Variants in SPAG16 observed in about 807,000 individuals in gnomAD.
SPAG16 encodes the protein sperm associated antigen 16, also known as sperm-associated antigen 16 protein.
Under a neutral mutation model 80.4 loss-of-function variants are expected in SPAG16, and 86 were observed. The ratio of observed to expected loss-of-function variants is 1.07; its 90% CI spans 0.90 to 1.28. The LOEUF (loss-of-function observed/expected upper bound fraction) is 1.28, where lower values mean the gene tolerates loss of function less well. SPAG16 is among the 50% of genes most tolerant of loss of function. The pLI is 0.00. For missense variants in SPAG16, 870 were observed against 765.3 expected, an observed-to-expected ratio of 1.14 and a Z score of -1.61; for synonymous variants, 294 against 265.9, an observed-to-expected ratio of 1.11 and a Z score of -1.03.
intron 9 of SPAG16, among the ~76,000 whole-genome samples, chr2:213,408,455 C>A (rs1196067502): frequency 1.3e-5 from 2 of 151,878 alleles, no homozygotes; most frequent in Non-Finnish European, 2.9e-5. Context: ...TATCCTAAGT[C>A]AAAAAAAGCA....
At chr2:213,448,399 A>T (rs920382998) in intron 9 of SPAG16, among the ~76,000 whole-genome samples, 1 of 152,246 alleles carries the variant, frequency 6.6e-6, no homozygotes, top group Non-Finnish European at 1.5e-5. Flanking sequence ...CTGATGCATT[A>T]GATCAGGTGG....
chr2:214,154,498 A>ACCC (rs67537759), intron 15 of SPAG16, among the ~76,000 whole-genome samples: 1 of 119,118 alleles, frequency 8.4e-6, no homozygotes, highest in African/African-American at 3.2e-5. Flanking sequence ...AAAGTATCAG[A>ACCC]CCCCCCCCCC....
intron 10 of SPAG16, among the ~76,000 whole-genome samples, chr2:213,782,631 T>C (rs2070068784): frequency 6.6e-6 from 1 of 152,186 alleles, no homozygotes; most frequent in African/African-American, 2.4e-5. Context: ...TTTTGAAAGC[T>C]TCACAACAAC....
intron 15 of SPAG16, among the ~76,000 whole-genome samples, chr2:214,242,270 A>G (rs1236537740): frequency 6.6e-6 from 1 of 152,192 alleles, no homozygotes; most frequent in African/African-American, 2.4e-5. Flanking sequence ...GCACCTACTC[A>G]TTCCCATAAT....
chr2:213,622,978 A>G (rs2061838819), intron 10 of SPAG16, among the ~76,000 whole-genome samples: 1 of 152,184 alleles, frequency 6.6e-6, no homozygotes, highest in Admixed American at 6.5e-5. Flanking sequence ...AGAGTAACGA[A>G]GCCTTCCATT....
At chr2:213,610,961 A>G (rs1045107880) in intron 10 of SPAG16, among the ~76,000 whole-genome samples, 4 of 152,198 alleles carry the variant, frequency 2.6e-5, no homozygotes, top group African/African-American at 4.8e-5. Context: ...AACATTATCA[A>G]TCGGTTTCCT....
chr2:213,439,050 G>A (rs1015195305), intron 9 of SPAG16, among the ~76,000 whole-genome samples: 31 of 152,126 alleles, frequency 2.0e-4, no homozygotes, highest in African/African-American at 7.5e-4. Context: ...ATGAAGACTC[G>A]GAGACTCAGA....
chr2:213,425,553 G>A (rs1283306514), intron 9 of SPAG16, among the ~76,000 whole-genome samples: 1 of 151,434 alleles, frequency 6.6e-6, no homozygotes, highest in African/African-American at 2.4e-5. Context: ...TCAAGAGGCT[G>A]AGGCAGGGGA....
intron 10 of SPAG16, among the ~76,000 whole-genome samples, chr2:213,738,186 A>AAG: frequency 6.6e-6 from 1 of 151,954 alleles, no homozygotes; most frequent in Non-Finnish European, 1.5e-5. Flanking sequence ...CATTTTGTAG[A>AAG]GCCAGTATAG....
At chr2:213,342,341 TAC>T (rs1473514043) in intron 6 of SPAG16, among the ~76,000 whole-genome samples, 1 of 6,434 alleles carries the variant, frequency 1.6e-4, no homozygotes, top group Admixed American at 1.9e-3. Flanking sequence ...ATATATATAT[TAC>T]ATATATGTAT....
At chr2:214,171,849 TG>T (rs1399325439) in intron 15 of SPAG16, among the ~76,000 whole-genome samples, 2 of 152,104 alleles carry the variant, frequency 1.3e-5, no homozygotes, top group Non-Finnish European at 2.9e-5. Context: ...AAGTTATTAA[TG>T]TTTTTTTCTT....
At chr2:214,295,058 T>A (rs1694040252) in intron 15 of SPAG16, among the ~76,000 whole-genome samples, 1 of 152,232 alleles carries the variant, frequency 6.6e-6, no homozygotes, top group African/African-American at 2.4e-5. Context: ...TTAGGCCCAT[T>A]GATCATTTGG....
At chr2:213,624,849 G>A (rs1244927899) in intron 10 of SPAG16, among the ~76,000 whole-genome samples, 1 of 152,078 alleles carries the variant, frequency 6.6e-6, no homozygotes, top group African/African-American at 2.4e-5. Context: ...GGAGTGCAAT[G>A]GCGTGATCTC....
intron 14 of SPAG16, among the ~76,000 whole-genome samples, chr2:214,117,282 G>C (rs909748576): frequency 6.6e-6 from 1 of 151,942 alleles, no homozygotes; most frequent in Non-Finnish European, 1.5e-5. Flanking sequence ...TAGTAAGCTT[G>C]GTGACAGGCT....
At chr2:213,410,197 C>G (rs2068884254) in intron 9 of SPAG16, among the ~76,000 whole-genome samples, 1 of 152,172 alleles carries the variant, frequency 6.6e-6, no homozygotes. Context: ...AAATTTAACT[C>G]TCTTTCATCT....
At chr2:214,218,445 T>G (rs1416577201) in intron 15 of SPAG16, among the ~76,000 whole-genome samples, 1 of 152,156 alleles carries the variant, frequency 6.6e-6, no homozygotes, top group African/African-American at 2.4e-5. Flanking sequence ...CTGAGACTTA[T>G]GTTTTGCCTC....
chr2:213,334,345 C>T (rs923245115), intron 5 of SPAG16, among the ~76,000 whole-genome samples: 5 of 152,106 alleles, frequency 3.3e-5, no homozygotes, highest in African/African-American at 9.7e-5. Context: ...AACCCTTGTA[C>T]GCTGTTGGTG....
At chr2:213,775,004 G>A (rs888111494) in intron 10 of SPAG16, among the ~76,000 whole-genome samples, 3 of 152,132 alleles carry the variant, frequency 2.0e-5, no homozygotes, top group Non-Finnish European at 2.9e-5. Context: ...CGGCACTACT[G>A]TATTGTTTCT....
chr2:213,648,312 C>A (rs1037879299), intron 10 of SPAG16, among the ~76,000 whole-genome samples: 18 of 150,306 alleles, frequency 1.2e-4, no homozygotes, highest in African/African-American at 3.9e-4. Context: ...TATGTCTATT[C>A]AAAAAAAAAT....
Sources: gnomAD v4.1 joint callset for allele counts (sites outside exome capture counted in the v4.1 genomes callset) on GRCh38, gnomAD v4.1.1 for gene constraint, MANE v1.5 for transcripts, NCBI Gene and HGNC (gene_info 2026-07-23, HGNC 2026-07-21) for gene names.